RBFOX1: variants seen among roughly 807,000 people sequenced by gnomAD.
RBFOX1 encodes RNA binding protein fox-1 homolog 1.
RBFOX1 carries 8 observed loss-of-function variants against 57.7 expected under a neutral mutation model. The ratio of observed to expected loss-of-function variants is 0.14; its 90% CI spans 0.08 to 0.25. RBFOX1 has a LOEUF of 0.25. RBFOX1 is among the 10% of genes least tolerant of loss of function. The pLI is 1.00. For missense variants in RBFOX1, 611 were observed against 548.5 expected, an observed-to-expected ratio of 1.11 and a Z score of -1.14; for synonymous variants, 326 against 222.4, an observed-to-expected ratio of 1.47 and a Z score of -4.15.
chr16:7,225,419 CTT>C (rs1329301817), intron 4 of RBFOX1, among the ~76,000 whole-genome samples: 2 of 152,098 alleles, frequency 1.3e-5, no homozygotes, highest in Admixed American at 6.6e-5. Flanking sequence ...CTCATTCTCT[CTT>C]GTCTGCCACC....
intron 1 of RBFOX1, among the ~76,000 whole-genome samples, chr16:6,044,125 C>G (rs375047473): frequency 6.6e-6 from 1 of 152,262 alleles, no homozygotes; most frequent in East Asian, 1.9e-4. Flanking sequence ...TTGACTGATA[C>G]AGTGACTGAG....
chr16:5,866,119 C>T (rs933031168), intron 3 of RBFOX1, among the ~76,000 whole-genome samples: 5 of 152,152 alleles, frequency 3.3e-5, no homozygotes, highest in Admixed American at 3.3e-4. Context: ...AGGTGCACAC[C>T]ACCATGCCCA....
At chr16:6,980,717 C>G (rs1289503069) in intron 3 of RBFOX1, among the ~76,000 whole-genome samples, 3 of 152,048 alleles carry the variant, frequency 2.0e-5, no homozygotes, top group Admixed American at 6.6e-5. Flanking sequence ...GCAATGTCAT[C>G]AAAGGAGGGC....
chr16:6,340,364 A>G (rs2084378396), intron 2 of RBFOX1, among the ~76,000 whole-genome samples: 1 of 152,180 alleles, frequency 6.6e-6, no homozygotes, highest in Non-Finnish European at 1.5e-5. Flanking sequence ...GGGTTCTTGG[A>G]TCTCAAGCAA....
At position 7,701,343 on chromosome 16, in the gene RBFOX1, C is replaced by T. The variant is rs894069369; in HGVS notation, c.996-7713C>T. On this transcript the variant is annotated intron_variant, in intron 14 of 15. Transcript: ENST00000550418. ...AGCAACGCTTCCTGTTTGCAGCCGC[C>T]CCCTCTCACTCACATTCCTGCCTGA... Among the ~76,000 whole-genome samples the T allele has an allele frequency of 2.0e-5, 3 of 152,202 alleles. No homozygotes were observed. The East Asian group carries it at 5.8e-4, about 29-fold the overall frequency.
chr16:7,238,897 G>A (rs531087110), intron 4 of RBFOX1, among the ~76,000 whole-genome samples: 1 of 152,240 alleles, frequency 6.6e-6, no homozygotes, highest in African/African-American at 2.4e-5. Context: ...GCAGTGTTTG[G>A]TTTTATGTTC....
At chr16:6,956,913 A>G (rs1367549339) in intron 3 of RBFOX1, among the ~76,000 whole-genome samples, 1 of 152,040 alleles carries the variant, frequency 6.6e-6, no homozygotes, top group Non-Finnish European at 1.5e-5. Flanking sequence ...GTTACCAGGA[A>G]GGGGTCCAGA....
chr16:5,712,691 A>C (rs916587786), intron 3 of RBFOX1, among the ~76,000 whole-genome samples: 3 of 152,230 alleles, frequency 2.0e-5, no homozygotes, highest in African/African-American at 7.2e-5. Context: ...TAAATAGCAG[A>C]GTCCAGATTT....
At chr16:5,241,657 G>A (rs1028443957) in intron 1 of RBFOX1, among the ~76,000 whole-genome samples, 8 of 152,222 alleles carry the variant, frequency 5.3e-5, no homozygotes, top group Non-Finnish European at 1.2e-4. Flanking sequence ...GCCTGGGGTT[G>A]TTACTGCTGA....
intron 11 of RBFOX1, among the ~76,000 whole-genome samples, chr16:7,652,231 G>T (rs2065219174): frequency 6.6e-6 from 1 of 152,104 alleles, no homozygotes; most frequent in East Asian, 1.9e-4. Context: ...GGCCCCATGG[G>T]CCCTGATGAG....
chr16:5,900,932 G>A lies in RBFOX1; in HGVS notation c.351+33597G>A, dbSNP rs185834105. Among the ~76,000 whole-genome samples the A allele has an allele frequency of 6.1e-3, 933 of 152,314 alleles. 12 individuals carry two copies. The highest frequency in any genetic ancestry group is 0.022 in the African/African-American group (897 of 41,554). On this transcript the variant is annotated intron_variant, in intron 4 of 19. Coordinates refer to the RBFOX1 transcript ENST00000641259. Reference sequence around the variant, plus strand: ...TTAATAGAACAAATCTTTCCCTTGGGAGAGACTGACAGTGCAGTGGCTCTA... The same window carrying A: ...TTAATAGAACAAATCTTTCCCTTGGAAGAGACTGACAGTGCAGTGGCTCTA...
intron 4 of RBFOX1, among the ~76,000 whole-genome samples, chr16:6,007,758 C>T (rs557661679): frequency 2.6e-5 from 4 of 152,056 alleles, no homozygotes; most frequent in South Asian, 2.1e-4. Context: ...CAGGCGATGA[C>T]GATGTGTTTT....
chr16:6,250,592 GA>G (rs2097601465), intron 1 of RBFOX1, among the ~76,000 whole-genome samples: 1 of 152,124 alleles, frequency 6.6e-6, no homozygotes, highest in African/African-American at 2.4e-5. Context: ...AGAAGCCTTT[GA>G]AACCCAGGCC....
At chr16:5,452,536 C>T (rs1360045889) in intron 1 of RBFOX1, among the ~76,000 whole-genome samples, 1 of 152,148 alleles carries the variant, frequency 6.6e-6, no homozygotes, top group Non-Finnish European at 1.5e-5. Flanking sequence ...ACTGTTAGCA[C>T]CCATTTCAAC....
At chr16:6,235,026 A>G (rs901621114) in intron 1 of RBFOX1, among the ~76,000 whole-genome samples, 2 of 152,194 alleles carry the variant, frequency 1.3e-5, no homozygotes, top group African/African-American at 4.8e-5. Context: ...AAAGGTAAAA[A>G]GAGAGGGATC....
At chr16:6,651,327 G>A (rs1446691199) in intron 2 of RBFOX1, among the ~76,000 whole-genome samples, 1 of 152,156 alleles carries the variant, frequency 6.6e-6, no homozygotes, top group Non-Finnish European at 1.5e-5. Context: ...TCTCTCCCAA[G>A]CTGTATCCTT....
chr16:5,632,081 G>A (rs1348632247), intron 3 of RBFOX1, among the ~76,000 whole-genome samples: 1 of 152,236 alleles, frequency 6.6e-6, no homozygotes, highest in Non-Finnish European at 1.5e-5. Flanking sequence ...GGGCACAGAG[G>A]TACCAGAGGA....
At chr16:7,197,520 C>T (rs1380912102) in intron 4 of RBFOX1, among the ~76,000 whole-genome samples, 1 of 150,656 alleles carries the variant, frequency 6.6e-6, no homozygotes, top group Non-Finnish European at 1.5e-5. Flanking sequence ...GTGGCCATGC[C>T]TTAAAAAAAG....
At chr16:6,001,829 C>A (rs1178006425) in intron 4 of RBFOX1, among the ~76,000 whole-genome samples, 1 of 152,220 alleles carries the variant, frequency 6.6e-6, no homozygotes, top group East Asian at 1.9e-4. Flanking sequence ...CTGCAATAAG[C>A]CAAACTGGAA....
Sources: gnomAD v4.1 joint callset for allele counts (sites outside exome capture counted in the v4.1 genomes callset) on GRCh38, gnomAD v4.1.1 for gene constraint, MANE v1.5 for transcripts, NCBI Gene and HGNC (gene_info 2026-07-23, HGNC 2026-07-21) for gene names.